Variants in OSBPL6 observed in about 807,000 individuals in gnomAD.
The protein encoded by OSBPL6 is oxysterol binding protein like 6.
OSBPL6 carries 49 observed loss-of-function variants against 125.8 expected under a neutral mutation model. The observed-to-expected ratio is 0.39, with a 90% CI of 0.31 to 0.49. The LOEUF (loss-of-function observed/expected upper bound fraction) is 0.49. Among genes scored for constraint, OSBPL6 ranks in the 20% least tolerant of loss-of-function variants. The pLI, the probability that OSBPL6 is intolerant of heterozygous loss-of-function variation, is 0.88. For missense variants in OSBPL6, 986 were observed against 1,135.4 expected (o/e 0.87, Z 1.89); for synonymous variants, 394 against 391.8 (o/e 1.01, Z -0.07).
chr2:178,268,306 T>C (rs2092296858), intron 1 of OSBPL6, among the ~76,000 whole-genome samples: 2 of 152,154 alleles, frequency 1.3e-5, no homozygotes, highest in South Asian at 4.1e-4. Flanking sequence ...GATCTCGAAC[T>C]CCTGACCTCA....
At position 178,344,280 on chromosome 2, in the gene OSBPL6, C is replaced by T. The variant is rs765964115; in HGVS notation, c.987+4516C>T. The stretch of plus-strand genomic sequence containing the variant: ...TTTCCTCCCCTCTTCTCCCATTCAC[C>T]GTCAGGAAGGGCCACCCGCGAAGGG... On this transcript the variant is annotated intron_variant, in intron 11 of 24. Transcript: ENST00000190611. The T allele has an allele frequency of 7.4e-6, 12 of 1,613,462 alleles. No homozygotes were observed. The African/African-American group carries it at 8.0e-5, about 11-fold the overall frequency.
chr2:178,317,378 G>T (rs1455943055), intron 3 of OSBPL6, among the ~76,000 whole-genome samples: 1 of 144,742 alleles, frequency 6.9e-6, no homozygotes, highest in Non-Finnish European at 1.5e-5. Context: ...CTTCTTTCCT[G>T]CTTACATTTG....
At chr2:178,299,829 A>G (rs1037772087) in intron 2 of OSBPL6, among the ~76,000 whole-genome samples, 1 of 152,112 alleles carries the variant, frequency 6.6e-6, no homozygotes, top group Non-Finnish European at 1.5e-5. Context: ...TTTCCCACCC[A>G]TCAGGTTTGA....
At chr2:178,364,784 G>T (rs1027029369) in intron 13 of OSBPL6, among the ~76,000 whole-genome samples, 1 of 152,186 alleles carries the variant, frequency 6.6e-6, no homozygotes, top group Non-Finnish European at 1.5e-5. Flanking sequence ...GAGGAAGATG[G>T]ATGCCCCTGC....
intron 3 of OSBPL6, among the ~76,000 whole-genome samples, chr2:178,307,144 C>T (rs947184373): frequency 1.6e-4 from 25 of 152,124 alleles, no homozygotes; most frequent in Non-Finnish European, 7.3e-5. Context: ...TCACCCCCTC[C>T]ACCCCTCACC....
chr2:178,317,475 TATATAG>T (rs1687855545), intron 3 of OSBPL6, among the ~76,000 whole-genome samples: 4 of 112,510 alleles, frequency 3.6e-5, no homozygotes, highest in African/African-American at 3.6e-5. Flanking sequence ...TATATATATA[TATATAG>T]AATAATTATT....
intron 1 of OSBPL6, among the ~76,000 whole-genome samples, chr2:178,253,278 C>T (rs1016161737): frequency 6.6e-6 from 1 of 152,164 alleles, no homozygotes; most frequent in African/African-American, 2.4e-5. Flanking sequence ...ACCTCGGCCT[C>T]CCAAAGTGCT....
chr2:178,254,470 G>C, intron 1 of OSBPL6, among the ~76,000 whole-genome samples: 1 of 151,896 alleles, frequency 6.6e-6, no homozygotes, highest in East Asian at 1.9e-4. Flanking sequence ...ATGAGCAACA[G>C]AAAGCAGACT....
At chr2:178,314,470 T>G (rs1366809150) in intron 3 of OSBPL6, among the ~76,000 whole-genome samples, 1 of 152,218 alleles carries the variant, frequency 6.6e-6, no homozygotes, top group Non-Finnish European at 1.5e-5. Flanking sequence ...ATTTAAATTA[T>G]TGAGTTGATT....
chr2:178,229,789 A>G (rs1009577676), intron 1 of OSBPL6, among the ~76,000 whole-genome samples: 3 of 152,196 alleles, frequency 2.0e-5, no homozygotes, highest in Non-Finnish European at 2.9e-5. Flanking sequence ...TCATGCTAGC[A>G]CTACTGCACT....
At chr2:178,354,977 TGAATGACTACTGG>T (rs1369982062) in intron 12 of OSBPL6, among the ~76,000 whole-genome samples, 1 of 152,212 alleles carries the variant, frequency 6.6e-6, no homozygotes, top group African/African-American at 2.4e-5. Context: ...AACCTGCTTC[TGAATGACTACTGG>T]GTAATTAACG....
At chr2:178,372,736 G>A (rs1693510081) in intron 14 of OSBPL6, among the ~76,000 whole-genome samples, 2 of 152,122 alleles carry the variant, frequency 1.3e-5, no homozygotes, top group Non-Finnish European at 2.9e-5. Context: ...GCTGACATGT[G>A]TCAAGTGAAT....
chr2:178,347,904 G>A (rs12478837), intron 11 of OSBPL6, among the ~76,000 whole-genome samples: 21,677 of 152,132 alleles, frequency 0.14, 1,674 homozygotes, highest in Admixed American at 0.22. Flanking sequence ...TTGGGGAGGG[G>A]AAAGCTTCAT....
At position 178,304,984 on chromosome 2, in the gene OSBPL6, T is replaced by C. The variant is rs150638778; in HGVS notation, c.-155-1046T>C. On this transcript the variant is annotated intron_variant, in intron 2 of 24. Coordinates refer to ENST00000190611, the MANE Select transcript of OSBPL6 (RefSeq NM_032523.4). Reference sequence around the variant, plus strand: ...ATCTTTTTTTGTTTATCTGATTCAGTGTCTCACCCTCTGGACTGAAGTTCA... The same window carrying C: ...ATCTTTTTTTGTTTATCTGATTCAGCGTCTCACCCTCTGGACTGAAGTTCA... Among the ~76,000 whole-genome samples, 405 of 152,312 alleles carry C rather than the reference T, an allele frequency of 2.7e-3. 2 individuals carry two copies. Among genetic ancestry groups the C allele is most frequent in the Middle Eastern group, 0.01 (3 of 294 alleles).
At chr2:178,292,264 C>T (rs954851177) in intron 2 of OSBPL6, among the ~76,000 whole-genome samples, 9 of 152,202 alleles carry the variant, frequency 5.9e-5, no homozygotes, top group East Asian at 1.9e-4. Flanking sequence ...GTTTTACATA[C>T]AGAAGAATGA....
At chr2:178,352,085 A>G (rs1691312856) in intron 12 of OSBPL6, among the ~76,000 whole-genome samples, 1 of 152,220 alleles carries the variant, frequency 6.6e-6, no homozygotes, top group Admixed American at 6.5e-5. Flanking sequence ...AAGATATAGG[A>G]AAAACAATAA....
chr2:178,244,457 C>T (rs1424596167), intron 1 of OSBPL6, among the ~76,000 whole-genome samples: 1 of 152,186 alleles, frequency 6.6e-6, no homozygotes, highest in East Asian at 1.9e-4. Context: ...TGGTTTAACA[C>T]CATACCCCCA....
intron 17 of OSBPL6, among the ~76,000 whole-genome samples, chr2:178,383,790 C>T (rs1052717107): frequency 6.6e-6 from 1 of 152,186 alleles, no homozygotes; most frequent in Non-Finnish European, 1.5e-5. Context: ...ATACTCATGA[C>T]GTTGGATGGA....
At chr2:178,379,699 C>G (rs1694286550) in intron 15 of OSBPL6, among the ~76,000 whole-genome samples, 1 of 151,988 alleles carries the variant, frequency 6.6e-6, no homozygotes, top group Non-Finnish European at 1.5e-5. Flanking sequence ...CTTTTTTTCA[C>G]TTTCAAGCAT....
Sources: gnomAD v4.1 joint callset for allele counts (sites outside exome capture counted in the v4.1 genomes callset) on GRCh38, gnomAD v4.1.1 for gene constraint, MANE v1.5 for transcripts, NCBI Gene and HGNC (gene_info 2026-07-23, HGNC 2026-07-21) for gene names.